HK2: variants seen among roughly 807,000 people sequenced by gnomAD.
HK2 encodes the protein hexokinase 2.
Under a neutral mutation model 92.9 loss-of-function variants are expected in HK2, and 42 were observed. That is an observed-to-expected ratio of 0.45 (90% CI 0.35 to 0.58). The LOEUF (loss-of-function observed/expected upper bound fraction) is 0.58, where lower values mean the gene tolerates loss of function less well. Ranked by LOEUF, HK2 falls within the 20% of genes least tolerant of loss-of-function variation. HK2 has a pLI of 0.00. For synonymous variants in HK2, 422 were observed against 468.0 expected, an observed-to-expected ratio of 0.90 and a Z score of 1.27; for missense variants, 978 against 1,245.1, an observed-to-expected ratio of 0.79 and a Z score of 3.23.
chr2:74,877,025 C>A, intron 7 of HK2, 141 bp from the exon 8 acceptor site: 1 of 1,118,556 alleles, frequency 8.9e-7, no homozygotes, highest in Non-Finnish European at 1.3e-6. Context: ...GTCACCTCTC[C>A]ACGTATCTTA....
At chr2:74,842,675 A>T (rs1388101282) in intron 1 of HK2, among the ~76,000 whole-genome samples, 1 of 152,210 alleles carries the variant, frequency 6.6e-6, no homozygotes, top group Non-Finnish European at 1.5e-5. Context: ...GAAGCCAGGG[A>T]AGAAGGATGC....
At chr2:74,859,977 AC>A (rs766984248) in intron 2 of HK2, among the ~76,000 whole-genome samples, 5 of 152,214 alleles carry the variant, frequency 3.3e-5, no homozygotes, top group Non-Finnish European at 7.3e-5. Context: ...ATAATAGAAT[AC>A]TGTTCAGTCT....
At chr2:74,839,285 G>C (rs1160691354) in intron 1 of HK2, among the ~76,000 whole-genome samples, 4 of 152,212 alleles carry the variant, frequency 2.6e-5, no homozygotes, top group Non-Finnish European at 5.9e-5. Flanking sequence ...GCTGGAGTTA[G>C]AGCCTCAAGG....
Position 74,834,399 on chromosome 2 carries a change from G to C in HK2, c.-182G>C. On this transcript the variant is annotated 5_prime_UTR_variant, in exon 1 of 18. Coordinates refer to ENST00000290573, the MANE Select transcript of HK2 (RefSeq NM_000189.5). The surrounding 1 kb of genome is among the most constrained non-coding windows in gnomAD (Gnocchi z 4.2). ...GTGACGCCAAAATCACGTCTCCGGA[G>C]ACCCGCGCCCTCCGCCAGCCGGGCG... 1.5e-6 allele frequency: 1 copy of C among 664,380 alleles called. No homozygotes were observed. Among genetic ancestry groups the C allele is most frequent in the South Asian group, 1.7e-5 (1 of 58,978 alleles). 41.2% of individuals were successfully genotyped at this position (664,380 alleles called of 1,614,324 possible).
intron 2 of HK2, among the ~76,000 whole-genome samples, chr2:74,863,959 G>A (rs1025071482): frequency 5.3e-5 from 8 of 152,246 alleles, no homozygotes; most frequent in African/African-American, 1.4e-4. Flanking sequence ...GGAAGAGCCA[G>A]AGGCTCTAAG....
chr2:74,871,108 C>T (rs747325862), intron 3 of HK2, among the ~76,000 whole-genome samples: 10 of 152,176 alleles, frequency 6.6e-5, no homozygotes, highest in South Asian at 2.1e-4. Context: ...CCAGGATCAC[C>T]TGGAGGGCGG....
intron 1 of HK2, among the ~76,000 whole-genome samples, chr2:74,840,904 A>ATAG (rs869156790): frequency 1.8e-5 from 2 of 113,968 alleles, no homozygotes; most frequent in South Asian, 5.6e-4. Context: ...AAAAAAAAAA[A>ATAG]GCTGTGGGGG....
intron 2 of HK2, among the ~76,000 whole-genome samples, chr2:74,867,112 C>T (rs1688969101): frequency 6.6e-6 from 1 of 152,064 alleles, no homozygotes; most frequent in African/African-American, 2.4e-5. Flanking sequence ...AGGGGGTGAG[C>T]ACATCGTTGG....
intron 2 of HK2, among the ~76,000 whole-genome samples, chr2:74,856,027 G>T (rs559619762): frequency 1.6e-4 from 24 of 152,158 alleles, no homozygotes; most frequent in Non-Finnish European, 3.4e-4. Flanking sequence ...ACAGGAGAGA[G>T]AACCCAAGGG....
At chr2:74,845,974 T>TC (rs941107739) in intron 1 of HK2, among the ~76,000 whole-genome samples, 2 of 152,242 alleles carry the variant, frequency 1.3e-5, no homozygotes, top group Non-Finnish European at 2.9e-5. Flanking sequence ...TGCTTGGCTT[T>TC]CCCAGGGTGG....
intron 2 of HK2, among the ~76,000 whole-genome samples, chr2:74,860,968 G>C (rs1015897315): frequency 6.6e-6 from 1 of 152,138 alleles, no homozygotes; most frequent in African/African-American, 2.4e-5. Flanking sequence ...ATTTGCGTTT[G>C]CTAGGAAACA....
At position 74,881,792 on chromosome 2, in the gene HK2, G is replaced by GT; in HGVS notation, c.1653dup (p.Gly552TrpfsTer25). 6.2e-7 allele frequency: 1 copy of GT among 1,614,140 alleles called. No homozygotes were observed. Reference sequence around the variant, plus strand: ...GTCCGTGTTCGGAATGGGAAGTGGGGTGGAGTGGAGATGCACAACAAGATC... The same window carrying GT: ...GTCCGTGTTCGGAATGGGAAGTGGGGTTGGAGTGGAGATGCACAACAAGATC... On this transcript the variant is annotated frameshift_variant, in exon 11 of 18. Coordinates refer to ENST00000290573, the MANE Select transcript of HK2 (RefSeq NM_000189.5). LOFTEE classifies it high-confidence loss of function.
intron 1 of HK2, among the ~76,000 whole-genome samples, chr2:74,842,758 C>T (rs575205342): frequency 9.8e-5 from 15 of 152,344 alleles, no homozygotes; most frequent in Middle Eastern, 3.4e-3. Flanking sequence ...CTCTAAATTG[C>T]TTTTCTTCTG....
At chr2:74,885,451 G>C (rs767010974) in intron 12 of HK2, 43 bp from the exon 13 acceptor site, 6 of 1,407,968 alleles carry the variant, frequency 4.3e-6, no homozygotes, top group Admixed American at 1.7e-5. Context: ...TGACCTGGGA[G>C]CTCTTCCCTG....
At chr2:74,847,106 C>T (rs1331070728) in intron 1 of HK2, among the ~76,000 whole-genome samples, 1 of 152,004 alleles carries the variant, frequency 6.6e-6, no homozygotes, top group African/African-American at 2.4e-5. Flanking sequence ...TAGAAATATC[C>T]CAAGACTGGG....
chr2:74,878,815 G>A lies in HK2; in HGVS notation c.1159G>A (p.Ala387Thr), dbSNP rs28363029. The A allele has an allele frequency of 6.4e-6, 10 of 1,561,544 alleles. No homozygotes were observed. The highest frequency in any genetic ancestry group is 2.4e-5 in the South Asian group (2 of 84,932). ...IVSTRSASLCAATLAAVLQRI... is the reference protein window; with the variant it reads ...IVSTRSASLCTATLAAVLQRI... ...GTCCACACGCTCCGCCAGCCTGTGCGCAGCCACCCTGGCCGCCGTGCTGCA... is the reference window on the plus strand; with the variant it reads ...GTCCACACGCTCCGCCAGCCTGTGCACAGCCACCCTGGCCGCCGTGCTGCA... Residue 387 changes from alanine to threonine, a missense_variant, in exon 9 of 18, where the codon GCA becomes ACA. Transcript: ENST00000290573.
At chr2:74,873,516 T>C (rs1452937195) in intron 5 of HK2, 145 bp downstream of exon 5, 7 of 637,464 alleles carry the variant, frequency 1.1e-5, no homozygotes, top group Non-Finnish European at 1.9e-5. Flanking sequence ...CTCAATAATT[T>C]TGTATGCGAT....
chr2:74,882,343 G>A, intron 12 of HK2, 104 bp downstream of exon 12: 1 of 1,571,254 alleles, frequency 6.4e-7, no homozygotes, highest in Non-Finnish European at 8.7e-7. Context: ...ACTAAGGAAA[G>A]GAGGGCGTGA....
In HK2 at chr2:74,874,240, T is replaced by C. The variant is rs767811048; in HGVS notation, c.692-26T>C. The C allele has an allele frequency of 2.5e-6, 4 of 1,613,686 alleles. No individual in the cohort carries two copies. In the African/African-American group the frequency reaches 5.3e-5, roughly 22 times the overall value. ...GTGGGAAGGGGCCGGAGCAGGCGTG[T>C]GCATAGCCGTCCCTTGTTTTGGCAG... is the stretch of plus-strand genomic sequence containing the variant. On this transcript the variant is annotated intron_variant, in intron 6 of 17. Coordinates refer to ENST00000290573, the MANE Select transcript of HK2 (RefSeq NM_000189.5).
Sources: allele counts gnomAD v4.1 joint callset (sites outside exome capture counted in the v4.1 genomes callset), GRCh38; gene constraint gnomAD v4.1.1; non-coding constraint Gnocchi (gnomAD v3.1); transcripts MANE v1.5; gene names NCBI Gene and HGNC (gene_info 2026-07-23, HGNC 2026-07-21).